The following ZFP82 variants were observed in gnomAD, a reference collection of about 807,000 sequenced individuals.
The protein encoded by ZFP82 is zinc finger protein 82 homolog.
A neutral mutation model predicts 54.0 loss-of-function variants in ZFP82; 30 were observed. That is an observed-to-expected ratio of 0.56 (90% CI 0.42 to 0.75). ZFP82 has a LOEUF of 0.75. ZFP82 is among the 30% of genes least tolerant of loss of function. The pLI is 0.00. For synonymous variants in ZFP82, 194 were observed against 209.5 expected (o/e 0.93, Z 0.64); for missense variants, 500 against 636.8 (o/e 0.79, Z 2.31).
intron 2 of ZFP82, among the ~76,000 whole-genome samples, chr19:36,409,006 G>A (rs1049215782): frequency 3.3e-5 from 5 of 152,050 alleles, no homozygotes; most frequent in African/African-American, 1.2e-4. Flanking sequence ...ATCCCTCACT[G>A]TATGCCTTCC....
rs1418644223 is a variant in ZFP82 at position 36,390,555 on chromosome 19, T to C, written c.*2186A>G. 1 of 152,128 alleles carries C rather than the reference T, an allele frequency of 6.6e-6. No homozygotes were observed. Among genetic ancestry groups the C allele is most frequent in the East Asian group, 1.9e-4 (1 of 5,176 alleles). The allele number at this position is 152,128 out of a possible 1,614,324, so 9.4% of individuals were successfully genotyped here. ...CACAGGTGTCCACTGTGTGTATCCA[T>C]TTCATCACATCAAGTTCATCTGGCT... On this transcript the variant is annotated 3_prime_UTR_variant, in exon 5 of 5. Coordinates refer to ENST00000392161, the MANE Select transcript of ZFP82 (RefSeq NM_133466.4).
At chr19:36,405,172 G>A (rs1257360857) in intron 4 of ZFP82, among the ~76,000 whole-genome samples, 3 of 127,416 alleles carry the variant, frequency 2.4e-5, no homozygotes, top group African/African-American at 6.0e-5. Context: ...CAACAAGAGC[G>A]AAACTGCATC....
downstream of ZFP82, among the ~76,000 whole-genome samples, chr19:36,387,321 GA>G (rs1238684777): frequency 6.6e-6 from 1 of 152,180 alleles, no homozygotes; most frequent in Non-Finnish European, 1.5e-5. Context: ...AAGTTTTAGG[GA>G]AAAACTTGAT....
chr19:36,417,930 G>A (rs188814175), intron 1 of ZFP82, among the ~76,000 whole-genome samples: 5 of 152,224 alleles, frequency 3.3e-5, no homozygotes, highest in Non-Finnish European at 7.4e-5. Flanking sequence ...CCAAGGTCGG[G>A]TCTGAGCCTT....
At position 36,388,815 on chromosome 19, in the gene ZFP82, ATCCT is replaced by A. The variant is rs958625305; in HGVS notation, c.*3922_*3925del. On this transcript the variant is annotated 3_prime_UTR_variant, in exon 5 of 5. Coordinates refer to ENST00000392161, the MANE Select transcript of ZFP82 (RefSeq NM_133466.4). ...TTTTAAAAATTTCTAGCTTAAGTTA[ATCCT>A]TATTTTTTCCCATAAATTGCCTGTT... Among the ~76,000 whole-genome samples the A allele has an allele frequency of 2.6e-5, 4 of 152,148 alleles. No individual in the cohort carries two copies. Among genetic ancestry groups the A allele is most frequent in the African/African-American group, 9.7e-5 (4 of 41,438 alleles).
rs2032206957 is a variant in ZFP82, at chr19:36,391,976, C to T, written c.*765G>A. 6.7e-6 allele frequency: 1 copy of T among 150,132 alleles called. No individual in the cohort carries two copies. The highest frequency in any genetic ancestry group is 2.5e-5 in the African/African-American group (1 of 40,466). The allele number at this position is 150,132 out of a possible 1,614,324, so 9.3% of individuals were successfully genotyped here. ...AAAGTTTAGTGGCTTAAAACAACAA[C>T]CATTTTATTATATCTCATGTTTTTG... On this transcript the variant is annotated 3_prime_UTR_variant, in exon 5 of 5. Transcript: ENST00000392161.
At chr19:36,401,220 A>AT (rs1254115225) in intron 4 of ZFP82, among the ~76,000 whole-genome samples, 2 of 152,206 alleles carry the variant, frequency 1.3e-5, no homozygotes, top group African/African-American at 4.8e-5. Flanking sequence ...CCATGAATGT[A>AT]AATTCCAATC....
chr19:36,399,886 TA>T (rs1305720605), intron 4 of ZFP82, among the ~76,000 whole-genome samples: 1 of 152,172 alleles, frequency 6.6e-6, no homozygotes, highest in Non-Finnish European at 1.5e-5. Context: ...TATTCTACTT[TA>T]AAAATAAATA....
rs35735133 is a variant in ZFP82 at position 36,405,186 on chromosome 19, GAA to G, written c.229+392_229+393del. On this transcript the variant is annotated intron_variant, in intron 4 of 4. Transcript: ENST00000392161. ...GCAACAAGAGCGAAACTGCATCTCAGAAAAAAAAAAAAAAAAAAAAATGCAAA... is the reference window on the plus strand; with the variant it reads ...GCAACAAGAGCGAAACTGCATCTCAGAAAAAAAAAAAAAAAAAAATGCAAA... Among the ~76,000 whole-genome samples the G allele has an allele frequency of 8.5e-3, 749 of 88,518 alleles. 4 individuals are homozygous for G. Among genetic ancestry groups the G allele is most frequent in the East Asian group, 0.032 (96 of 2,972 alleles). 58.1% of individuals were successfully genotyped at this position (88,518 alleles called of 152,430 possible). A position where few individuals can be genotyped will look rare whatever the true frequency, so the allele number is the denominator to read the frequency against.
At chr19:36,412,807 C>T (rs2032602957) in intron 1 of ZFP82, among the ~76,000 whole-genome samples, 1 of 152,326 alleles carries the variant, frequency 6.6e-6, no homozygotes, top group African/African-American at 2.4e-5. Context: ...ACAATGCTTG[C>T]TACAATCAGC....
At position 36,388,928 on chromosome 19, in the gene ZFP82, G is replaced by A. The variant is rs577250473; in HGVS notation, c.*3813C>T. ...TCAATCCAGATGTTCTAAATGCATT[G>A]CTTTAAATTTTCTACCAAGTAGAGC... On this transcript the variant is annotated 3_prime_UTR_variant, in exon 5 of 5. Coordinates refer to ENST00000392161, the MANE Select transcript of ZFP82 (RefSeq NM_133466.4). 6.6e-6 allele frequency among the ~76,000 whole-genome samples: 1 copy of A among 152,184 alleles called. No individual in the cohort carries two copies. The highest frequency in any genetic ancestry group is 1.9e-4 in the East Asian group (1 of 5,182).
At chr19:36,404,780 C>T (rs2032451772) in intron 4 of ZFP82, among the ~76,000 whole-genome samples, 3 of 152,236 alleles carry the variant, frequency 2.0e-5, no homozygotes, top group Admixed American at 1.3e-4. Flanking sequence ...GCCTAGGCTA[C>T]ACTTCCCAGT....
intron 1 of ZFP82, among the ~76,000 whole-genome samples, chr19:36,411,587 G>A (rs992434057): frequency 6.6e-6 from 1 of 152,180 alleles, no homozygotes; most frequent in African/African-American, 2.4e-5. Context: ...AAAGGTATGT[G>A]TAACAGTATG....
rs940585451 is a variant in ZFP82, at chr19:36,391,590, G to C, written c.*1151C>G. ...CAAATGATCCTCCCACCTCAGCCTCGAGTAGCTAGGACTACAGGCATGCAC... is the reference window on the plus strand; with the variant it reads ...CAAATGATCCTCCCACCTCAGCCTCCAGTAGCTAGGACTACAGGCATGCAC... On this transcript the variant is annotated 3_prime_UTR_variant, in exon 5 of 5. Coordinates refer to ENST00000392161, the MANE Select transcript of ZFP82 (RefSeq NM_133466.4). 1.3e-5 allele frequency: 2 copies of C among 151,576 alleles called. No individual in the cohort carries two copies. The highest frequency in any genetic ancestry group is 6.6e-5 in the Admixed American group (1 of 15,178). 9.4% of individuals were successfully genotyped at this position (151,576 alleles called of 1,614,324 possible).
chr19:36,394,357 GAATCACCACATA>G, intron 4 of ZFP82: 1 of 444,590 alleles, frequency 2.2e-6, no homozygotes. Context: ...GTGTGGATCA[GAATCACCACATA>G]GCTTGTTACT....
Position 36,393,171 on chromosome 19 carries a change from C to T in ZFP82, c.1169G>A (p.Gly390Asp). ...TTCCTTACATTCGTAAGGTTTTTCA[C>T]CAGTATGAATTCTGTGATGGAGAAT... ...HLILHHRIHT[G>D]EKPYECKECW... The change falls in exon 5 of 5, where the codon GGT becomes GAT. Residue 390 changes from glycine to aspartate, a missense_variant. Gly to Asp is a moderately conservative substitution (Grantham distance 94). Coordinates refer to ENST00000392161, the MANE Select transcript of ZFP82 (RefSeq NM_133466.4). 6.2e-7 allele frequency: 1 copy of T among 1,613,772 alleles called. No individual in the cohort carries two copies. Among genetic ancestry groups the T allele is most frequent in the Non-Finnish European group, 8.5e-7 (1 of 1,179,916 alleles).
At position 36,389,091 on chromosome 19, in the gene ZFP82, G is replaced by A. The variant is rs1230251240; in HGVS notation, c.*3650C>T. On this transcript the variant is annotated 3_prime_UTR_variant, in exon 5 of 5. Coordinates refer to ENST00000392161, the MANE Select transcript of ZFP82 (RefSeq NM_133466.4). ...AGTCTCACTCTATTGCCAGGCTGGA[G>A]TGCAGTGGTGTGATCTCAGCTCACT... Among the ~76,000 whole-genome samples, 1 of 149,820 alleles carries A rather than the reference G, an allele frequency of 6.7e-6. No individual in the cohort carries two copies. Among genetic ancestry groups the A allele is most frequent in the East Asian group, 2.0e-4 (1 of 5,112 alleles).
chr19:36,416,135 A>G (rs1388587954), intron 1 of ZFP82, among the ~76,000 whole-genome samples: 1 of 152,228 alleles, frequency 6.6e-6, no homozygotes, highest in African/African-American at 2.4e-5. Flanking sequence ...CATCGATCAC[A>G]AGCTTTTTTT....
intron 4 of ZFP82, among the ~76,000 whole-genome samples, chr19:36,399,790 T>C (rs1318671782): frequency 6.6e-6 from 1 of 152,066 alleles, no homozygotes; most frequent in Non-Finnish European, 1.5e-5. Flanking sequence ...CTGTCGAAAA[T>C]TAAGTGTAGG....
Sources: allele counts gnomAD v4.1 joint callset (sites outside exome capture counted in the v4.1 genomes callset), GRCh38; gene constraint gnomAD v4.1.1; transcripts MANE v1.5; gene names NCBI Gene and HGNC (gene_info 2026-07-23, HGNC 2026-07-21).